Variants in USP54 observed in about 807,000 individuals in gnomAD.
USP54 encodes the protein ubiquitin carboxyl-terminal hydrolase 54.
In USP54, 87 loss-of-function variants were observed where a neutral mutation model predicts 170.5. That is an observed-to-expected ratio of 0.51 (90% confidence interval 0.43 to 0.61). USP54 has a LOEUF of 0.61. Among genes scored for constraint, USP54 ranks in the 20% least tolerant of loss-of-function variants. The pLI is 0.00. For missense variants in USP54, 1,786 were observed against 2,047.8 expected (o/e 0.87, Z 2.47); for synonymous variants, 655 against 742.8 (o/e 0.88, Z 1.92).
chr10:73,566,728 C>G (rs1165370318), intron 4 of USP54, among the ~76,000 whole-genome samples: 1 of 149,980 alleles, frequency 6.7e-6, no homozygotes, highest in African/African-American at 2.4e-5. Context: ...GAGACTCTGT[C>G]TCAAAAAAAC....
intron 13 of USP54, 45 bp from the exon 14 acceptor site, chr10:73,530,568 C>A: frequency 6.4e-7 from 1 of 1,574,436 alleles, no homozygotes; most frequent in Non-Finnish European, 8.6e-7. Flanking sequence ...TTAAAGTGAT[C>A]ATGGATACTA....
chr10:73,620,928 G>C (rs2081040677), intron 1 of USP54, among the ~76,000 whole-genome samples: 1 of 150,404 alleles, frequency 6.6e-6, no homozygotes, highest in Admixed American at 6.6e-5. Flanking sequence ...GGCTGAGGCG[G>C]GTGGATCGCC....
At chr10:73,527,392 G>T (rs2063085102) in intron 15 of USP54, among the ~76,000 whole-genome samples, 1 of 151,848 alleles carries the variant, frequency 6.6e-6, no homozygotes, top group Non-Finnish European at 1.5e-5. Context: ...CAGCTACTAG[G>T]GAGGCTGAGG....
At chr10:73,574,869 GAAAGAAAAGA>G (rs745659596) in intron 3 of USP54, among the ~76,000 whole-genome samples, 3 of 149,006 alleles carry the variant, frequency 2.0e-5, no homozygotes, top group Non-Finnish European at 3.0e-5. Context: ...AAAAAAAAAA[GAAAGAAAAGA>G]AAAGAAAAGA....
At chr10:73,616,883 T>C (rs1314015417) in intron 1 of USP54, among the ~76,000 whole-genome samples, 4 of 150,248 alleles carry the variant, frequency 2.7e-5, no homozygotes, top group African/African-American at 1.0e-4. Flanking sequence ...TAAATGTAGC[T>C]TTGATACAAA....
At chr10:73,604,980 C>T (rs1425156426) in intron 1 of USP54, among the ~76,000 whole-genome samples, 1 of 152,136 alleles carries the variant, frequency 6.6e-6, no homozygotes, top group African/African-American at 2.4e-5. Context: ...TCCTGCTGAT[C>T]GGTCCATTTT....
Position 73,499,020 on chromosome 10 carries a change from C to G in USP54, c.4664G>C (p.Arg1555Thr). 1 of 1,614,150 alleles carries G rather than the reference C, an allele frequency of 6.2e-7. No homozygotes were observed. ...ATTGCACCCTGGAGTAGTCAGGAATCTGGTCCCAATATGCTGGTTGGTCTC... is the reference window on the plus strand; with the variant it reads ...ATTGCACCCTGGAGTAGTCAGGAATGTGGTCCCAATATGCTGGTTGGTCTC... ...WSETNQHIGT[R>T]FLTTPGCNPQ... The change falls in exon 24 of 24, where the codon AGA becomes ACA. Residue 1555 changes from arginine to threonine, a missense_variant. Coordinates refer to ENST00000687698, the MANE Select transcript of USP54 (RefSeq NM_001391956.1).
chr10:73,512,090 C>T (rs184086628), intron 20 of USP54, among the ~76,000 whole-genome samples: 1 of 152,126 alleles, frequency 6.6e-6, no homozygotes, highest in East Asian at 1.9e-4. Flanking sequence ...CATTTTCCTT[C>T]ATCTACTTCC....
chr10:73,599,211 A>G (rs557733193), intron 1 of USP54, among the ~76,000 whole-genome samples: 2 of 152,338 alleles, frequency 1.3e-5, no homozygotes, highest in South Asian at 2.1e-4. Flanking sequence ...CACTTAACCA[A>G]TCAATGAAAT....
chr10:73,559,408 A>G (rs537910938), intron 4 of USP54, among the ~76,000 whole-genome samples: 14 of 151,946 alleles, frequency 9.2e-5, no homozygotes, highest in Admixed American at 2.6e-4. Context: ...TAAAAATACA[A>G]AATTAGCCAG....
At chr10:73,519,407 T>G in intron 19 of USP54, 1 of 242,142 alleles carries the variant, frequency 4.1e-6, no homozygotes, top group Non-Finnish European at 8.3e-6. Context: ...TTTCTCTGCT[T>G]CCATAAGGAT....
intron 1 of USP54, among the ~76,000 whole-genome samples, chr10:73,584,082 T>C (rs2077197664): frequency 6.6e-6 from 1 of 152,116 alleles, no homozygotes; most frequent in African/African-American, 2.4e-5. Context: ...TGGACCAAGA[T>C]TGATTTATAG....
intron 20 of USP54, among the ~76,000 whole-genome samples, chr10:73,508,518 G>A (rs1027386540): frequency 6.6e-6 from 1 of 151,842 alleles, no homozygotes; most frequent in Non-Finnish European, 1.5e-5. Context: ...TCAATAGAAA[G>A]ACTACCAGAC....
At position 73,516,806 on chromosome 10, in the gene USP54, G is replaced by C; in HGVS notation, c.3620C>G (p.Ser1207Cys). The change falls in exon 20 of 24, where the codon TCT becomes TGT. Residue 1207 changes from serine (S) to cysteine (C), a missense_variant. Physicochemically the swap from Ser to Cys is moderately radical, Grantham distance 112. Transcript: ENST00000687698. ...AGGCAGCCCAGAGTTTAAGGCAAGA[G>C]AAGAATGTTCAGTGGACTCTTCCCA... ...LSWEESTEHSSLALNSGLPNG... is the reference protein window; with the variant it reads ...LSWEESTEHSCLALNSGLPNG... 6.2e-7 allele frequency: 1 copy of C among 1,614,224 alleles called. No individual in the cohort carries two copies. The highest frequency in any genetic ancestry group is 8.5e-7 in the Non-Finnish European group (1 of 1,180,032).
chr10:73,592,404 A>G (rs569838730), upstream of USP54, among the ~76,000 whole-genome samples: 232 of 151,890 alleles, frequency 1.5e-3, 1 homozygote, highest in African/African-American at 5.4e-3. Flanking sequence ...AAACTAATTA[A>G]GCTCTTACAT....
At chr10:73,588,358 G>C (rs1440429550) in intron 1 of USP54, among the ~76,000 whole-genome samples, 2 of 152,182 alleles carry the variant, frequency 1.3e-5, no homozygotes, top group East Asian at 3.9e-4. Context: ...ATAGTGGCTG[G>C]GATTACAGGT....
At chr10:73,532,223 A>G (rs1180913756) in intron 12 of USP54, among the ~76,000 whole-genome samples, 1 of 151,628 alleles carries the variant, frequency 6.6e-6, no homozygotes, top group East Asian at 1.9e-4. Context: ...CCCAGGCTGG[A>G]GTGCAGTGGT....
chr10:73,557,606 C>T (rs2071471095), intron 4 of USP54, among the ~76,000 whole-genome samples: 1 of 152,130 alleles, frequency 6.6e-6, no homozygotes, highest in East Asian at 1.9e-4. Context: ...CTGCCTCAGC[C>T]TCCCGAGTAG....
At chr10:73,574,212 G>A (rs2075737635) in intron 3 of USP54, among the ~76,000 whole-genome samples, 1 of 152,186 alleles carries the variant, frequency 6.6e-6, no homozygotes, top group South Asian at 2.1e-4. Flanking sequence ...GCAAGCAACA[G>A]TGAAAGGGAA....
Sources: gnomAD v4.1 joint callset for allele counts (sites outside exome capture counted in the v4.1 genomes callset) on GRCh38, gnomAD v4.1.1 for gene constraint, MANE v1.5 for transcripts, NCBI Gene and HGNC (gene_info 2026-07-23, HGNC 2026-07-21) for gene names.